Variants in UBR1 observed in about 807,000 individuals in gnomAD.
The protein encoded by UBR1 is ubiquitin protein ligase E3 component n-recognin 1, also known as E3 ubiquitin-protein ligase UBR1.
Under a neutral mutation model 242.1 loss-of-function variants are expected in UBR1, and 102 were observed. That is an observed-to-expected ratio of 0.42 (90% CI 0.36 to 0.50). The LOEUF (loss-of-function observed/expected upper bound fraction) is 0.50. Among genes scored for constraint, UBR1 ranks in the 20% least tolerant of loss-of-function variants. The pLI, the probability that UBR1 is intolerant of heterozygous loss-of-function variation, is 0.01. For synonymous variants in UBR1, 675 were observed against 684.8 expected (o/e 0.99, Z 0.22); for missense variants, 1,772 against 2,101.8 (o/e 0.84, Z 3.07).
chr15:43,032,158 A>G (rs1389031723), intron 20 of UBR1, among the ~76,000 whole-genome samples: 1 of 152,244 alleles, frequency 6.6e-6, no homozygotes, highest in Non-Finnish European at 1.5e-5. Flanking sequence ...GTGTTTCTGC[A>G]GCAAATATTT....
intron 43 of UBR1, among the ~76,000 whole-genome samples, chr15:42,958,853 CAG>C (rs2031967172): frequency 6.6e-6 from 1 of 152,148 alleles, no homozygotes; most frequent in African/African-American, 2.4e-5. Context: ...TTATTGGAGG[CAG>C]AGTCTCACTC....
intron 25 of UBR1, among the ~76,000 whole-genome samples, 187 bp downstream of exon 25, chr15:43,024,642 C>G (rs924985253): frequency 6.6e-6 from 1 of 151,968 alleles, no homozygotes; most frequent in Admixed American, 6.6e-5. Context: ...AAATGGTTCC[C>G]AAGAGTAAGG....
chr15:42,984,771 A>G, intron 36 of UBR1, 116 bp downstream of exon 36: 3 of 947,372 alleles, frequency 3.2e-6, no homozygotes, highest in South Asian at 1.4e-5. Flanking sequence ...TCCCCACTAT[A>G]GAATTCTGCT....
At chr15:42,970,743 A>G (rs1290937215) in intron 39 of UBR1, 136 bp from the exon 40 acceptor site, 3 of 818,948 alleles carry the variant, frequency 3.7e-6, no homozygotes, top group African/African-American at 3.5e-5. Context: ...TTTTTTTGAG[A>G]CAGAGTTTCG....
chr15:43,060,388 T>G (rs577784495), intron 6 of UBR1, among the ~76,000 whole-genome samples: 2 of 152,344 alleles, frequency 1.3e-5, no homozygotes, highest in South Asian at 4.1e-4. Context: ...GTTACTGCAG[T>G]GTCCTCTCTA....
chr15:42,984,769 A>T, intron 36 of UBR1, 118 bp downstream of exon 36: 1 of 918,410 alleles, frequency 1.1e-6, no homozygotes, highest in Non-Finnish European at 1.8e-6. Flanking sequence ...TTTCCCCACT[A>T]TAGAATTCTG....
chr15:42,980,853 T>G (rs990730953), intron 37 of UBR1, among the ~76,000 whole-genome samples: 3 of 152,158 alleles, frequency 2.0e-5, no homozygotes, highest in Non-Finnish European at 2.9e-5. Context: ...CTGCTCACCT[T>G]GGCTTCCTAA....
intron 30 of UBR1, among the ~76,000 whole-genome samples, chr15:43,006,106 G>GAAAAAAAAAAAAAAAAAA (rs1235960946): frequency 9.0e-6 from 1 of 111,470 alleles, no homozygotes; most frequent in Non-Finnish European, 1.9e-5. Context: ...AAAAAAAAAA[G>GAAAAAAAAAAAAAAAAAA]AAAAAAAAAA....
intron 46 of UBR1, among the ~76,000 whole-genome samples, chr15:42,947,436 C>A (rs915362037): frequency 2.0e-5 from 3 of 151,870 alleles, no homozygotes; most frequent in Admixed American, 6.6e-5. Flanking sequence ...CTGGCCAGGG[C>A]AATTAGGCAG....
At chr15:43,036,729 T>G (rs1330500411) in intron 17 of UBR1, 136 bp from the exon 18 acceptor site, 6 of 632,626 alleles carry the variant, frequency 9.5e-6, no homozygotes, top group Non-Finnish European at 5.6e-6. Context: ...AAGTTGTAAA[T>G]CTATGAATCA....
At chr15:43,017,007 A>G in intron 28 of UBR1, 88 bp downstream of exon 28, 1 of 994,618 alleles carries the variant, frequency 1.0e-6, no homozygotes, top group South Asian at 1.3e-5. Context: ...GTTTCTCCTA[A>G]CAAAAAAGCA....
chr15:43,103,350 C>A (rs537459755), intron 1 of UBR1, among the ~76,000 whole-genome samples: 27 of 152,216 alleles, frequency 1.8e-4, no homozygotes, highest in African/African-American at 6.5e-4. Flanking sequence ...GGTGACAAAG[C>A]GAAACCCTGT....
At chr15:42,961,236 T>G (rs2032014199) in intron 42 of UBR1, among the ~76,000 whole-genome samples, 1 of 151,020 alleles carries the variant, frequency 6.6e-6, no homozygotes, top group Non-Finnish European at 1.5e-5. Flanking sequence ...CCTCAGCATC[T>G]TCAGTAGCTG....
chr15:42,953,727 T>C (rs2031871095), intron 44 of UBR1, among the ~76,000 whole-genome samples: 1 of 152,088 alleles, frequency 6.6e-6, no homozygotes, highest in Non-Finnish European at 1.5e-5. Flanking sequence ...CTTATGGAAA[T>C]TGGTGGTGAC....
chr15:43,084,740 CA>C (rs1361071914), intron 2 of UBR1, among the ~76,000 whole-genome samples: 1 of 152,154 alleles, frequency 6.6e-6, no homozygotes, highest in Non-Finnish European at 1.5e-5. Context: ...GGCATGACCA[CA>C]GCGCCTGGCC....
intron 5 of UBR1, among the ~76,000 whole-genome samples, chr15:43,069,196 G>A (rs1209249157): frequency 6.6e-6 from 1 of 151,924 alleles, no homozygotes; most frequent in East Asian, 1.9e-4. Context: ...TCTCCAAAAG[G>A]AACATAATAT....
intron 39 of UBR1, among the ~76,000 whole-genome samples, chr15:42,973,599 G>A (rs563348792): frequency 2.6e-5 from 3 of 116,122 alleles, no homozygotes; most frequent in South Asian, 3.4e-4. Context: ...CGGCCTCATC[G>A]CTCATTTTTA....
At chr15:42,962,575 C>A (rs1325286667) in intron 42 of UBR1, among the ~76,000 whole-genome samples, 1 of 152,066 alleles carries the variant, frequency 6.6e-6, no homozygotes, top group Non-Finnish European at 1.5e-5. Context: ...CTGCAACCTC[C>A]GCCTCCTGGG....
chr15:42,993,343 G>C (rs1447229381), intron 33 of UBR1, among the ~76,000 whole-genome samples: 1 of 151,644 alleles, frequency 6.6e-6, no homozygotes, highest in Non-Finnish European at 1.5e-5. Context: ...TGAGGAATTA[G>C]AGATTGGATT....
Sources: allele counts gnomAD v4.1 joint callset (sites outside exome capture counted in the v4.1 genomes callset), GRCh38; gene constraint gnomAD v4.1.1; transcripts MANE v1.5; gene names NCBI Gene and HGNC (gene_info 2026-07-23, HGNC 2026-07-21).